The following SMIM23 variants were observed in gnomAD, a reference collection of about 807,000 sequenced individuals.
SMIM23 encodes small integral membrane protein 23.
In SMIM23, 10 loss-of-function variants were observed where a neutral mutation model predicts 12.8. That is an observed-to-expected ratio of 0.78 (90% CI 0.48 to 1.32). The LOEUF (loss-of-function observed/expected upper bound fraction) is 1.32. SMIM23 is among the 40% of genes most tolerant of loss of function. The pLI is 0.00. For missense variants in SMIM23, 184 were observed against 198.2 expected, an observed-to-expected ratio of 0.93 and a Z score of 0.43; for synonymous variants, 78 against 80.1, an observed-to-expected ratio of 0.97 and a Z score of 0.14.
upstream of SMIM23, among the ~76,000 whole-genome samples, chr5:171,785,260 C>T (rs1755792777): frequency 1.3e-5 from 2 of 152,084 alleles, no homozygotes; most frequent in Non-Finnish European, 2.9e-5. Context: ...TGATCTCCTA[C>T]TGCAGTGAGG....
chr5:171,778,534 G>A (rs1408407273), upstream of SMIM23, among the ~76,000 whole-genome samples: 1 of 151,764 alleles, frequency 6.6e-6, no homozygotes, highest in Non-Finnish European at 1.5e-5. Context: ...TGTAACCATG[G>A]AGGCAGAGAT....
intron 1 of SMIM23, among the ~76,000 whole-genome samples, chr5:171,788,534 A>G (rs1342235572): frequency 6.6e-6 from 1 of 152,104 alleles, no homozygotes; most frequent in East Asian, 1.9e-4. Context: ...GATTATTATC[A>G]TGACTCTTAC....
intron 1 of SMIM23, among the ~76,000 whole-genome samples, chr5:171,787,768 C>G (rs1755844613): frequency 1.3e-5 from 2 of 152,364 alleles, no homozygotes; most frequent in African/African-American, 4.8e-5. Flanking sequence ...CTCCGCCCAC[C>G]TGGCATCCCA....
At chr5:171,778,523 A>G (rs1435776898), upstream of SMIM23, among the ~76,000 whole-genome samples, 2 of 151,674 alleles carry the variant, frequency 1.3e-5, no homozygotes, top group African/African-American at 4.8e-5. Context: ...GGATAAGGCA[A>G]TGTAACCATG....
intron 1 of SMIM23, among the ~76,000 whole-genome samples, chr5:171,786,993 C>T (rs553710964): frequency 6.9e-6 from 1 of 145,060 alleles, no homozygotes; most frequent in African/African-American, 2.5e-5. Context: ...CTACCAGAGT[C>T]CCATTGTTTC....
At position 171,790,903 on chromosome 5, in the gene SMIM23, C is replaced by A. The variant is rs1352306442; in HGVS notation, c.334C>A (p.Gln112Lys). ...CTCGGAGAAGTTAGAGGAAGAGGTGCAGCAGCTGGAGCAGCTAGCGTGGGA... is the reference window on the plus strand; with the variant it reads ...CTCGGAGAAGTTAGAGGAAGAGGTGAAGCAGCTGGAGCAGCTAGCGTGGGA... ...VFSEKLEEEV[Q>K]QLEQLAWDLE... is the part of the protein sequence containing the mutation. Residue 112 changes from glutamine to lysine, a missense_variant, in exon 4 of 4, where the codon CAG becomes AAG. Transcript: ENST00000523047. 1 of 1,536,114 alleles carries A rather than the reference C, an allele frequency of 6.5e-7. No individual in the cohort carries two copies. Among genetic ancestry groups the A allele is most frequent in the Non-Finnish European group, 8.7e-7 (1 of 1,146,912 alleles).
At position 171,790,688 on chromosome 5, in the gene SMIM23, T is replaced by C. The variant is rs1339455225; in HGVS notation, c.226-107T>C. 6.5e-6 allele frequency: 9 copies of C among 1,382,190 alleles called. No individual in the cohort carries two copies. In the South Asian group the frequency reaches 7.7e-5, roughly 12 times the overall value. The allele number at this position is 1,382,190 out of a possible 1,614,324, so 85.6% of individuals were successfully genotyped here. On this transcript the variant is annotated intron_variant, in intron 3 of 3. Coordinates refer to ENST00000523047, the MANE Select transcript of SMIM23 (RefSeq NM_001289970.2). Reference sequence around the variant, plus strand: ...GTGGGAACAGGTACTACGAGCACAATGAGTAGCATGTGCAAAGGCCCAGGG... The same window carrying C: ...GTGGGAACAGGTACTACGAGCACAACGAGTAGCATGTGCAAAGGCCCAGGG...
chr5:171,782,795 C>G (rs1755751467), upstream of SMIM23: 1 of 152,210 alleles, frequency 6.6e-6, no homozygotes, highest in Non-Finnish European at 1.5e-5. Flanking sequence ...TAACGGGCTG[C>G]GTAAGGGGCA....
At chr5:171,780,386 T>C (rs1755707260), upstream of SMIM23, among the ~76,000 whole-genome samples, 1 of 152,118 alleles carries the variant, frequency 6.6e-6, no homozygotes. Flanking sequence ...CACCAGCTAC[T>C]GGGCCAGTTC....
chr5:171,777,634 G>A (rs1183579165), upstream of SMIM23, among the ~76,000 whole-genome samples: 4 of 152,240 alleles, frequency 2.6e-5, no homozygotes, highest in Admixed American at 6.5e-5. Flanking sequence ...CAGGTGCTGC[G>A]CTAAGTTCTG....
intron 1 of SMIM23, 51 bp from the exon 2 acceptor site, chr5:171,790,179 G>C: frequency 6.6e-7 from 1 of 1,514,706 alleles, no homozygotes; most frequent in South Asian, 1.2e-5. Context: ...GGGGGACCTG[G>C]AGAGAATTCA....
upstream of SMIM23, among the ~76,000 whole-genome samples, chr5:171,780,521 T>G (rs1755709178): frequency 6.6e-6 from 1 of 152,244 alleles, no homozygotes; most frequent in Admixed American, 6.5e-5. Context: ...AAAATGTGAC[T>G]GTAATTCATT....
At position 171,790,926 on chromosome 5, in the gene SMIM23, G is replaced by A; in HGVS notation, c.357G>A (p.Trp119Ter). 1 of 1,536,146 alleles carries A rather than the reference G, an allele frequency of 6.5e-7. No homozygotes were observed. Among genetic ancestry groups the A allele is most frequent in the Non-Finnish European group, 8.7e-7 (1 of 1,146,918 alleles). ...EEVQQLEQLA[W>*]DLELWLDALL... ...TGCAGCAGCTGGAGCAGCTAGCGTG[G>A]GACCTGGAACTGTGGCTGGATGCTC... The change falls in exon 4 of 4, where the codon TGG becomes TGA. Residue 119 changes from tryptophan to a stop codon, truncating the protein, a stop_gained. Coordinates refer to ENST00000523047, the MANE Select transcript of SMIM23 (RefSeq NM_001289970.2). LOFTEE classifies it low-confidence loss of function (END_TRUNC).
upstream of SMIM23, chr5:171,785,779 T>A (rs1755804419): frequency 3.0e-6 from 3 of 995,110 alleles, no homozygotes; most frequent in Non-Finnish European, 4.6e-6. Context: ...GAACTCAATG[T>A]TTGCAGGATG....
the SMIM23 span, chr5:171,774,663 G>T: frequency 2.4e-6 from 1 of 416,536 alleles, no homozygotes; most frequent in Admixed American, 2.7e-5. Context: ...CTCAAGGCTC[G>T]CCCACAAATC....
upstream of SMIM23, among the ~76,000 whole-genome samples, chr5:171,778,496 T>G (rs77766278): frequency 0.082 from 9,082 of 110,566 alleles, 692 homozygotes; most frequent in African/African-American, 0.21. Flanking sequence ...CACACACAGA[T>G]AGAGACAGAG....
rs773749655 is a variant in SMIM23 at position 171,790,268 on chromosome 5, C to G, written c.144C>G (p.Ser48Arg). 1.0e-5 allele frequency: 16 copies of G among 1,535,960 alleles called. No individual in the cohort carries two copies. Among genetic ancestry groups the G allele is most frequent in the Non-Finnish European group, 1.4e-5 (16 of 1,146,914 alleles). ...TGCTGATCTTGGTGCTGTACTTGAG[C>G]ACAGAGATATGGGGTGAGCATTCTG... The part of the protein sequence containing the change: ...LALLILVLYL[S>R]TEIWGSSWEV... Residue 48 changes from serine (S) to arginine (R), a missense_variant, in exon 2 of 4, where the codon AGC becomes AGG. By Grantham distance (110) the Ser-to-Arg change is moderately radical (BLOSUM62 -1). Transcript: ENST00000523047.
upstream of SMIM23, among the ~76,000 whole-genome samples, chr5:171,779,606 C>T (rs1421307378): frequency 3.3e-5 from 5 of 152,190 alleles, no homozygotes; most frequent in South Asian, 8.3e-4. Context: ...CTTCCATAGT[C>T]CCCACCCACT....
chr5:171,777,197 T>C, the SMIM23 span, among the ~76,000 whole-genome samples: 2 of 152,180 alleles, frequency 1.3e-5, no homozygotes, highest in African/African-American at 4.8e-5. Flanking sequence ...ATTCCGACTG[T>C]AATAAATTAG....
Sources: allele counts gnomAD v4.1 joint callset (sites outside exome capture counted in the v4.1 genomes callset), GRCh38; gene constraint gnomAD v4.1.1; transcripts MANE v1.5; gene names NCBI Gene and HGNC (gene_info 2026-07-23, HGNC 2026-07-21).